PRR12: variants seen among roughly 807,000 people sequenced by gnomAD.
The protein encoded by PRR12 is proline-rich protein 12.
A neutral mutation model predicts 138.0 loss-of-function variants in PRR12; 12 were observed. The ratio of observed to expected loss-of-function variants is 0.09; its 90% confidence interval spans 0.06 to 0.14. The LOEUF is 0.14. Ranked by LOEUF, PRR12 falls within the 10% of genes least tolerant of loss-of-function variation. PRR12 has a pLI of 1.00. For missense variants in PRR12, 2,692 were observed against 2,861.3 expected, an observed-to-expected ratio of 0.94 and a Z score of 1.35; for synonymous variants, 1,567 against 1,291.7, an observed-to-expected ratio of 1.21 and a Z score of -4.57.
rs763223680 is a variant in PRR12 at position 49,615,902 on chromosome 19, C to T, written c.5180C>T (p.Pro1727Leu). ...CCTGAGACGGCCATGCCTGAGCCCC[C>T]TGCCCCCGAGAAGCCCTCCCTCCTG... ...QTPETAMPEP[P>L]APEKPSLLRP... is the part of the protein sequence containing the mutation. Residue 1727 changes from proline (P) to leucine (L), a missense_variant, in exon 9 of 14, where the codon CCT becomes CTT. By Grantham distance (98) the Pro-to-Leu change is moderately conservative. Coordinates refer to ENST00000418929, the MANE Select transcript of PRR12 (RefSeq NM_020719.3). The T allele has an allele frequency of 2.8e-5, 44 of 1,566,986 alleles. No individual in the cohort carries two copies. Among genetic ancestry groups the T allele is most frequent in the Non-Finnish European group, 3.6e-5 (42 of 1,156,136 alleles).
At chr19:49,601,451 G>T in intron 5 of PRR12, 40 bp from the exon 6 acceptor site, 1 of 1,162,828 alleles carries the variant, frequency 8.6e-7, no homozygotes, top group South Asian at 1.5e-5. Context: ...TGCCAGGAAT[G>T]ATGAATAACA....
In PRR12 at chr19:49,596,928, A is replaced by C; in HGVS notation, c.2593A>C (p.Ser865Arg). 2 of 1,325,814 alleles carry C rather than the reference A, an allele frequency of 1.5e-6. No homozygotes were observed. The highest frequency in any genetic ancestry group is 4.7e-5 in the East Asian group (1 of 21,154). The allele number at this position is 1,325,814 out of a possible 1,614,324, so 82.1% of individuals were successfully genotyped here. Reference protein sequence around the residue: ...RSHGLEPAAPSPRLRPEESLD... With the variant: ...RSHGLEPAAPRPRLRPEESLD... ...CCATGGCCTGGAGCCCGCGGCCCCC[A>C]GCCCCCGCCTGCGACCCGAGGAGAG... Residue 865 changes from serine (S) to arginine (R), a missense_variant, in exon 4 of 14, where the codon AGC becomes CGC. Around this residue, in one of 11 missense-constraint regions of PRR12, gnomAD observed 840 missense variants for 689.8 expected, o/e 1.22. Coordinates refer to ENST00000418929, the MANE Select transcript of PRR12 (RefSeq NM_020719.3). The surrounding 1 kb of genome is among the most constrained non-coding windows in gnomAD (Gnocchi z 5.6).
Position 49,625,742 on chromosome 19 carries a change from C to CTGGAGGGGGCAG in PRR12, c.*135_*136insTGGAGGGGGCAG. 8.2e-7 allele frequency: 1 copy of CTGGAGGGGGCAG among 1,212,438 alleles called. No individual in the cohort carries two copies. The highest frequency in any genetic ancestry group is 1.1e-6 in the Non-Finnish European group (1 of 919,162). The allele number at this position is 1,212,438 out of a possible 1,614,324, so 75.1% of individuals were successfully genotyped here. The stretch of plus-strand genomic sequence containing the variant: ...TGGGTCAGGGTGTGTCTGTGCTGCC[C>CTGGAGGGGGCAG]CCTCCAGGGCAGGGTTCAAAGTCCG... On this transcript the variant is annotated 3_prime_UTR_variant, in exon 14 of 14. Transcript: ENST00000418929. This position sits in a 1 kb window ranked among gnomAD's most constrained non-coding sequence, Gnocchi z 5.5.
chr19:49,593,352 T>C lies in PRR12; in HGVS notation c.112T>C (p.Ser38Pro). The change falls in exon 2 of 14, where the codon TCG becomes CCG. Residue 38 changes from serine to proline, a missense_variant. By Grantham distance (74) the Ser-to-Pro change is moderately conservative. This residue lies in a region of PRR12 where 211 missense variants were observed against 266.3 expected (regional missense o/e 0.79). Coordinates refer to ENST00000418929, the MANE Select transcript of PRR12 (RefSeq NM_020719.3). ...ASLVYGSSRT[S>P]HPETDILHRQ... Reference sequence around the variant, plus strand: ...CTTGGTTTATGGCAGCTCCAGGACCTCGCACCCCGAGACGGACATCTTACA... The same window carrying C: ...CTTGGTTTATGGCAGCTCCAGGACCCCGCACCCCGAGACGGACATCTTACA... The C allele has an allele frequency of 1.2e-6, 2 of 1,604,824 alleles. No individual in the cohort carries two copies. Among genetic ancestry groups the C allele is most frequent in the Non-Finnish European group, 1.7e-6 (2 of 1,177,238 alleles).
chr19:49,593,204 T>C (rs917739078), intron 1 of PRR12, 123 bp from the exon 2 acceptor site: 1 of 608,130 alleles, frequency 1.6e-6, no homozygotes, highest in African/African-American at 1.9e-5. Context: ...TACGGTTCCT[T>C]AGCTTAACAC....
Position 49,620,423 on chromosome 19 carries a change from T to C in PRR12, c.5569T>C (p.Leu1857=). The change falls in exon 10 of 14, where the codon TTG becomes CTG. Residue 1857 remains leucine, a synonymous_variant. Transcript: ENST00000418929. ...REMYRSYVEM[L]VSTALDPDMI... ...GATGTACCGGAGCTACGTGGAGATG[T>C]TGGTGAGCACAGCACTTGACCCAGA... The C allele has an allele frequency of 6.2e-7, 1 of 1,603,020 alleles. No individual in the cohort carries two copies. Among genetic ancestry groups the C allele is most frequent in the Non-Finnish European group, 8.5e-7 (1 of 1,174,922 alleles).
chr19:49,614,665 G>A lies in PRR12; in HGVS notation c.4890+16G>A, dbSNP rs1568429644. On this transcript the variant is annotated intron_variant, in intron 7 of 13. Coordinates refer to ENST00000418929, the MANE Select transcript of PRR12 (RefSeq NM_020719.3). This position sits in a 1 kb window ranked among gnomAD's most constrained non-coding sequence, Gnocchi z 5.0. ...CACCAGTAATGTAAGCCTGCAAAGG[G>A]GACCAAGGACTTGGGGGCCCCGGGG... 4 of 1,551,188 alleles carry A rather than the reference G, an allele frequency of 2.6e-6. No individual in the cohort carries two copies. Among genetic ancestry groups the A allele is most frequent in the Non-Finnish European group, 3.5e-6 (4 of 1,146,562 alleles).
At position 49,594,412 on chromosome 19, in the gene PRR12, C is replaced by A; in HGVS notation, c.200-42C>A. 6 of 1,494,464 alleles carry A rather than the reference C, an allele frequency of 4.0e-6. No individual in the cohort carries two copies. Among genetic ancestry groups the A allele is most frequent in the Non-Finnish European group, 5.4e-6 (6 of 1,110,764 alleles). The allele number at this position is 1,494,464 out of a possible 1,614,324, so 92.6% of individuals were successfully genotyped here. A position where few individuals can be genotyped will look rare whatever the true frequency, so the allele number is the denominator to read the frequency against. ...CCCTTTCTCTCTTGACTGTATCCTA[C>A]CCACCCCCACCTGGCTGACTATAAC... On this transcript the variant is annotated intron_variant, in intron 2 of 13. Coordinates refer to ENST00000418929, the MANE Select transcript of PRR12 (RefSeq NM_020719.3). The surrounding 1 kb of genome is among the most constrained non-coding windows in gnomAD (Gnocchi z 5.6).
Position 49,593,426 on chromosome 19 carries a change from C to T in PRR12, c.186C>T (p.Asn62=). ...APHPLQSYAT[N]HHPAGLSGLF... Reference sequence around the variant, plus strand: ...ACCCACTGCAAAGCTATGCCACCAACCACCACCCGGCAGGTACGGCCCCCA... The same window carrying T: ...ACCCACTGCAAAGCTATGCCACCAATCACCACCCGGCAGGTACGGCCCCCA... Residue 62 remains asparagine (N), a synonymous_variant, in exon 2 of 14, where the codon AAC becomes AAT. Coordinates refer to ENST00000418929, the MANE Select transcript of PRR12 (RefSeq NM_020719.3). The T allele has an allele frequency of 6.3e-7, 1 of 1,596,654 alleles. No individual in the cohort carries two copies. Among genetic ancestry groups the T allele is most frequent in the Non-Finnish European group, 8.6e-7 (1 of 1,166,178 alleles).
chr19:49,599,011 A>G lies in PRR12; in HGVS notation c.3679-261A>G, dbSNP rs1467543564. Among the ~76,000 whole-genome samples the G allele has an allele frequency of 1.3e-5, 2 of 152,026 alleles. No homozygotes were observed. The highest frequency in any genetic ancestry group is 2.9e-5 in the Non-Finnish European group (2 of 67,980). On this transcript the variant is annotated intron_variant, in intron 4 of 13. Transcript: ENST00000418929. This position sits in a 1 kb window ranked among gnomAD's most constrained non-coding sequence, Gnocchi z 5.0. Reference sequence around the variant, plus strand: ...AAGGATGGGCATTCAGGGATCCTACATTCCTGGGTCTCATGGGAAGCGGGT... The same window carrying G: ...AAGGATGGGCATTCAGGGATCCTACGTTCCTGGGTCTCATGGGAAGCGGGT...
Position 49,614,907 on chromosome 19 carries a change from G to A in PRR12, c.4922G>A (p.Arg1641Gln), listed in dbSNP as rs923300021. The change falls in exon 8 of 14, where the codon CGG becomes CAG. Residue 1641 changes from arginine to glutamine, a missense_variant. Physicochemically the swap from Arg to Gln is conservative, Grantham distance 43. Coordinates refer to ENST00000418929, the MANE Select transcript of PRR12 (RefSeq NM_020719.3). This position sits in a 1 kb window ranked among gnomAD's most constrained non-coding sequence, Gnocchi z 5.0. Reference protein sequence around the residue: ...YLGYFGDAKNRYQRLYVKFLE... With the variant: ...YLGYFGDAKNQYQRLYVKFLE... ...GGGTATTTTGGGGATGCAAAAAATC[G>A]GTACCAGCGCCTCTATGTAAAGTTC... 3 of 1,613,924 alleles carry A rather than the reference G, an allele frequency of 1.9e-6. No individual in the cohort carries two copies. Among genetic ancestry groups the A allele is most frequent in the South Asian group, 1.1e-5 (1 of 91,082 alleles).
At position 49,616,175 on chromosome 19, in the gene PRR12, G is replaced by T; in HGVS notation, c.5453G>T (p.Ser1818Ile). The part of the protein sequence containing the change: ...NATAGGGPPG[S>I]SSDSESSPGA... ...ACAGCAGGCGGGGGCCCACCAGGCA[G>T]CTCCTCGGACTCGGAGTCCTCCCCT... The change falls in exon 9 of 14, where the codon AGC becomes ATC. Residue 1818 changes from serine to isoleucine, a missense_variant. By Grantham distance (142) the Ser-to-Ile change is moderately radical. Transcript: ENST00000418929. This position sits in a 1 kb window ranked among gnomAD's most constrained non-coding sequence, Gnocchi z 4.2. The T allele has an allele frequency of 6.4e-7, 1 of 1,556,238 alleles. No individual in the cohort carries two copies. The highest frequency in any genetic ancestry group is 8.7e-7 in the Non-Finnish European group (1 of 1,150,334).
chr19:49,610,345 T>G (rs2080859511), intron 6 of PRR12, among the ~76,000 whole-genome samples: 1 of 152,132 alleles, frequency 6.6e-6, no homozygotes, highest in Non-Finnish European at 1.5e-5. Context: ...ACATCCGCAC[T>G]GCTTACACCA....
At position 49,594,228 on chromosome 19, in the gene PRR12, T is replaced by C. The variant is rs1452556388; in HGVS notation, c.200-226T>C. On this transcript the variant is annotated intron_variant, in intron 2 of 13. Coordinates refer to ENST00000418929, the MANE Select transcript of PRR12 (RefSeq NM_020719.3). This position sits in a 1 kb window ranked among gnomAD's most constrained non-coding sequence, Gnocchi z 5.6. ...TTCCTACCTGGGCCCCCTGTCCTTATGACTGGATTGCCCCTTGTCTTGCTT... is the reference window on the plus strand; with the variant it reads ...TTCCTACCTGGGCCCCCTGTCCTTACGACTGGATTGCCCCTTGTCTTGCTT... 6.6e-6 allele frequency among the ~76,000 whole-genome samples: 1 copy of C among 152,200 alleles called. No individual in the cohort carries two copies. Among genetic ancestry groups the C allele is most frequent in the African/African-American group, 2.4e-5 (1 of 41,454 alleles).
In PRR12 at chr19:49,595,089, T is replaced by TCCGCTG; in HGVS notation, c.759_764dup (p.Ala257_Ala258dup). 6.2e-7 allele frequency: 1 copy of TCCGCTG among 1,611,278 alleles called. No homozygotes were observed. The highest frequency in any genetic ancestry group is 1.3e-5 in the African/African-American group (1 of 74,842). ...TCAGTTCAACCTGCTGGCTTCCTCT[T>TCCGCTG]CCGCTGCCGCCGCCGCTGCCGAGCA... On this transcript the variant is annotated inframe_insertion, in exon 4 of 14. Transcript: ENST00000418929.
In PRR12 at chr19:49,615,836, C is replaced by T; in HGVS notation, c.5114C>T (p.Thr1705Ile). The T allele has an allele frequency of 1.9e-6, 3 of 1,611,438 alleles. No homozygotes were observed. The South Asian group carries it at 3.3e-5, about 18-fold the overall frequency. Residue 1705 changes from threonine to isoleucine, a missense_variant, in exon 9 of 14, where the codon ACC becomes ATC. Transcript: ENST00000418929. Reference protein sequence around the residue: ...KAPAPPPKPETPEKTTSEKPP... With the variant: ...KAPAPPPKPEIPEKTTSEKPP... Reference sequence around the variant, plus strand: ...CCAGCACCACCTCCCAAGCCTGAGACCCCTGAAAAGACGACATCTGAGAAG... The same window carrying T: ...CCAGCACCACCTCCCAAGCCTGAGATCCCTGAAAAGACGACATCTGAGAAG...
In PRR12 at chr19:49,599,349, C is replaced by G. The variant is rs748375470; in HGVS notation, c.3756C>G (p.Asn1252Lys). The G allele has an allele frequency of 1.3e-4, 216 of 1,613,208 alleles. No homozygotes were observed. The highest frequency in any genetic ancestry group is 1.7e-4 in the Non-Finnish European group (202 of 1,179,794). ...ATGCCATATCAGGCACTGACCACAA[C>G]AGCCTGGACTCGAGCCTGACTCGGG... ...SGDAISGTDH[N>K]SLDSSLTREK... is the part of the protein sequence containing the mutation. The change falls in exon 5 of 14, where the codon AAC becomes AAG. Residue 1252 changes from asparagine (N) to lysine (K), a missense_variant. Transcript: ENST00000418929. This position sits in a 1 kb window ranked among gnomAD's most constrained non-coding sequence, Gnocchi z 5.0.
chr19:49,615,085 A>G, intron 8 of PRR12, 76 bp downstream of exon 8: 1 of 1,577,286 alleles, frequency 6.3e-7, no homozygotes. Flanking sequence ...GCAAGAGAGA[A>G]GGCTGGAGAG....
Position 49,597,498 on chromosome 19 carries a change from C to T in PRR12, c.3163C>T (p.Pro1055Ser), listed in dbSNP as rs1315012751. The part of the protein sequence containing the change: ...PPPPPAPASE[P>S]KGGLTSPIFC... ...GCCGCCTCCCGCGCCGGCCTCCGAACCCAAGGGTGGCCTCACCTCGCCCAT... is the reference window on the plus strand; with the variant it reads ...GCCGCCTCCCGCGCCGGCCTCCGAATCCAAGGGTGGCCTCACCTCGCCCAT... Residue 1055 changes from proline to serine, a missense_variant, in exon 4 of 14, where the codon CCC (proline) becomes TCC (serine). By Grantham distance (74) the Pro-to-Ser change is moderately conservative (BLOSUM62 -1). This residue lies in a region of PRR12 where 840 missense variants were observed against 689.8 expected (regional missense o/e 1.22). Transcript: ENST00000418929. The surrounding 1 kb of genome is among the most constrained non-coding windows in gnomAD (Gnocchi z 6.3). 1.3e-6 allele frequency: 2 copies of T among 1,551,722 alleles called. No homozygotes were observed. Among genetic ancestry groups the T allele is most frequent in the South Asian group, 1.2e-5 (1 of 84,230 alleles).
Sources: allele counts gnomAD v4.1 joint callset (sites outside exome capture counted in the v4.1 genomes callset), GRCh38; gene constraint gnomAD v4.1.1; regional missense constraint gnomAD v4.1.1; non-coding constraint Gnocchi (gnomAD v3.1); transcripts MANE v1.5; gene names NCBI Gene and HGNC (gene_info 2026-07-23, HGNC 2026-07-21).